The following FBXL18 variants were observed in gnomAD, a reference collection of about 807,000 sequenced individuals.
FBXL18 encodes the protein F-box and leucine rich repeat protein 18.
Under a neutral mutation model 46.0 loss-of-function variants are expected in FBXL18, and 36 were observed. That is an observed-to-expected ratio of 0.78 (90% CI 0.60 to 1.03). The LOEUF is 1.03. Ranked by LOEUF, FBXL18 falls within the 50% of genes least tolerant of loss-of-function variation. The pLI is 0.00. For missense variants in FBXL18, 977 were observed against 1,004.1 expected, an observed-to-expected ratio of 0.97 and a Z score of 0.36; for synonymous variants, 557 against 465.3, an observed-to-expected ratio of 1.20 and a Z score of -2.54.
intron 4 of FBXL18, among the ~76,000 whole-genome samples, chr7:5,466,109 C>T (rs1459635588): frequency 2.0e-5 from 3 of 151,144 alleles, no homozygotes; most frequent in Non-Finnish European, 4.4e-5. Flanking sequence ...TGAGCTACCG[C>T]ACCTGGCCCT....
Position 5,481,589 on chromosome 7 carries a change from A to C in FBXL18, c.*186T>G. 5 of 627,840 alleles carry C rather than the reference A, an allele frequency of 8.0e-6. No individual in the cohort carries two copies. The highest frequency in any genetic ancestry group is 1.4e-5 in the Non-Finnish European group (5 of 363,412). 38.9% of individuals were successfully genotyped at this position (627,840 alleles called of 1,614,324 possible). The stretch of plus-strand genomic sequence containing the variant: ...CACCCAGAACGCATCCCCTCGACCT[A>C]AACTTCACAGAGCAACAGTCCCCAT... On this transcript the variant is annotated 3_prime_UTR_variant, in exon 5 of 5. Transcript: ENST00000382368.
rs372509495 is a variant in FBXL18 at position 5,505,620 on chromosome 7, T to C, written c.29A>G (p.Asn10Ser). The C allele has an allele frequency of 3.8e-4, 618 of 1,613,822 alleles. 4 individuals carry two copies. Among genetic ancestry groups the C allele is most frequent in the South Asian group, 1.3e-3 (118 of 91,080 alleles). The stretch of plus-strand genomic sequence containing the variant: ...TGCAGGGTGCATGTCATCATCATCA[T>C]TGGATATGTCCTGAAAATAAGGGGG... MASSGEDIS[N>S]DDDDMHPAAA... Residue 10 changes from asparagine (N) to serine (S), a missense_variant, in exon 2 of 5, where the codon AAT becomes AGT. Coordinates refer to ENST00000382368, the MANE Select transcript of FBXL18 (RefSeq NM_024963.6).
At chr7:5,458,475 G>A (rs865886495) in intron 4 of FBXL18, among the ~76,000 whole-genome samples, 2 of 151,984 alleles carry the variant, frequency 1.3e-5, no homozygotes, top group African/African-American at 4.8e-5. Context: ...TGCGGCGGGC[G>A]GATCACGAGA....
chr7:5,503,018 G>A (rs1584238476), intron 2 of FBXL18, among the ~76,000 whole-genome samples: 1 of 152,186 alleles, frequency 6.6e-6, no homozygotes, highest in Non-Finnish European at 1.5e-5. Context: ...AACAGCCCCA[G>A]TGTCCATCAA....
At chr7:5,498,232 C>T (rs1007158313) in intron 3 of FBXL18, among the ~76,000 whole-genome samples, 9 of 151,756 alleles carry the variant, frequency 5.9e-5, no homozygotes, top group African/African-American at 1.2e-4. Flanking sequence ...GGACTACAGG[C>T]GCCCACCACC....
At chr7:5,491,143 T>G (rs1783910463) in intron 4 of FBXL18, 88 bp downstream of exon 4, 6 of 1,234,858 alleles carry the variant, frequency 4.9e-6, no homozygotes, top group Admixed American at 2.1e-5. Context: ...AAACCACTGG[T>G]AGGCACTCGG....
At chr7:5,495,276 G>A (rs775082351) in intron 3 of FBXL18, among the ~76,000 whole-genome samples, 14 of 152,314 alleles carry the variant, frequency 9.2e-5, no homozygotes, top group Admixed American at 2.6e-4. Flanking sequence ...TGCACGGGCC[G>A]TGAGAGCAGC....
At chr7:5,474,247 G>A (rs1783472225), downstream of FBXL18, among the ~76,000 whole-genome samples, 1 of 152,034 alleles carries the variant, frequency 6.6e-6, no homozygotes, top group African/African-American at 2.4e-5. Flanking sequence ...AGTTCTAGAA[G>A]CGGATGGTGA....
chr7:5,490,052 T>C (rs767079323), intron 4 of FBXL18: 13 of 1,347,260 alleles, frequency 9.6e-6, no homozygotes, highest in African/African-American at 1.5e-5. Context: ...CCAACCAGGA[T>C]TATTCCTGAG....
chr7:5,505,574 C>T lies in FBXL18; in HGVS notation c.75G>A (p.Gly25=), dbSNP rs1227982105. The T allele has an allele frequency of 1.2e-6, 2 of 1,613,990 alleles. No individual in the cohort carries two copies. The highest frequency in any genetic ancestry group is 1.7e-6 in the Non-Finnish European group (2 of 1,179,986). Residue 25 remains glycine (G), a synonymous_variant, in exon 2 of 5, where the codon GGG becomes GGA. Transcript: ENST00000382368. The stretch of plus-strand genomic sequence containing the variant: ...CATCAGAGAACCCTAGGAGGTGGAC[C>T]CCGTCTGCCATCCCGGCTGCTGCAG... ...MHPAAAGMAD[G]VHLLGFSDEI...
chr7:5,482,275 G>A (rs1299442855), intron 4 of FBXL18, among the ~76,000 whole-genome samples: 1 of 152,182 alleles, frequency 6.6e-6, no homozygotes, highest in Non-Finnish European at 1.5e-5. Context: ...GGACCCCACT[G>A]CAGGAGTGGC....
downstream of FBXL18, among the ~76,000 whole-genome samples, chr7:5,472,642 G>T (rs1783445791): frequency 1.3e-5 from 2 of 152,134 alleles, no homozygotes; most frequent in South Asian, 4.1e-4. Flanking sequence ...CTGGCCACAG[G>T]CCCCACTGAG....
intron 3 of FBXL18, 129 bp from the exon 4 acceptor site, chr7:5,491,578 C>T: frequency 2.8e-6 from 2 of 715,592 alleles, no homozygotes; most frequent in Non-Finnish European, 2.3e-6. Context: ...CCGCCACCTC[C>T]CACCAATACC....
chr7:5,457,916 C>G (rs73043414), intron 4 of FBXL18, among the ~76,000 whole-genome samples: 2 of 152,136 alleles, frequency 1.3e-5, no homozygotes, highest in Non-Finnish European at 2.9e-5. Flanking sequence ...AGCAACTATT[C>G]AATTCTCTCA....
chr7:5,495,271 G>A (rs7808842), intron 3 of FBXL18, among the ~76,000 whole-genome samples: 10,034 of 152,200 alleles, frequency 0.066, 490 homozygotes, highest in African/African-American at 0.14. Flanking sequence ...CCCACTGCAC[G>A]GGCCGTGAGA....
At chr7:5,499,350 GAAACGACTGCTCTCTGAACCGACTGC>G (rs1784168540) in intron 3 of FBXL18, among the ~76,000 whole-genome samples, 1 of 4,068 alleles carries the variant, frequency 2.5e-4, no homozygotes, top group Non-Finnish European at 4.8e-4. Flanking sequence ...ACTGCTCTCT[GAAACGACTGCTCTCTGAACCGACTGC>G]TCTCTGACAT....
At chr7:5,494,804 C>T (rs1015978673) in intron 3 of FBXL18, among the ~76,000 whole-genome samples, 2 of 152,216 alleles carry the variant, frequency 1.3e-5, no homozygotes, top group African/African-American at 4.8e-5. Flanking sequence ...GGTGGCGATG[C>T]GGCTCCGTGC....
At position 5,496,881 on chromosome 7, in the gene FBXL18, A is replaced by T. The variant is rs927571595; in HGVS notation, c.1781+3607T>A. On this transcript the variant is annotated intron_variant, in intron 3 of 4. Transcript: ENST00000382368. This position sits in a 1 kb window ranked among gnomAD's most constrained non-coding sequence, Gnocchi z 4.8. Reference sequence around the variant, plus strand: ...TCTCTACTAAAAATACAAAAAAAAAATTAGCCGAGTATGGTGGTGGGCACC... The same window carrying T: ...TCTCTACTAAAAATACAAAAAAAAATTTAGCCGAGTATGGTGGTGGGCACC... Among the ~76,000 whole-genome samples, 1 of 151,850 alleles carries T rather than the reference A, an allele frequency of 6.6e-6. No homozygotes were observed. Among genetic ancestry groups the T allele is most frequent in the Non-Finnish European group, 1.5e-5 (1 of 67,942 alleles).
chr7:5,475,535 C>A (rs777847007), downstream of FBXL18, among the ~76,000 whole-genome samples: 1 of 152,200 alleles, frequency 6.6e-6, no homozygotes, highest in Non-Finnish European at 1.5e-5. This position sits in a 1 kb window ranked among gnomAD's most constrained non-coding sequence, Gnocchi z 4.2. Context: ...TCCTGACCTA[C>A]GCAGCCTCCT....
Sources: allele counts gnomAD v4.1 joint callset (sites outside exome capture counted in the v4.1 genomes callset), GRCh38; gene constraint gnomAD v4.1.1; non-coding constraint Gnocchi (gnomAD v3.1); transcripts MANE v1.5; gene names NCBI Gene and HGNC (gene_info 2026-07-23, HGNC 2026-07-21).